Variants in PARD3B observed in about 807,000 individuals in gnomAD.
PARD3B encodes the protein par-3 family cell polarity regulator beta, also known as partitioning defective 3 homolog B.
In PARD3B, 103 loss-of-function variants were observed where a neutral mutation model predicts 130.2. That is an observed-to-expected ratio of 0.79 (90% CI 0.67 to 0.93). The LOEUF (loss-of-function observed/expected upper bound fraction) is 0.93. PARD3B is among the 40% of genes least tolerant of loss of function. The probability of loss-of-function intolerance (pLI) is 0.00; values close to 1 mark genes in which losing one functional copy is unlikely to be tolerated. For missense variants in PARD3B, 1,609 were observed against 1,499.2 expected (o/e 1.07, Z -1.21); for synonymous variants, 583 against 553.2 (o/e 1.05, Z -0.76).
At chr2:205,163,071 G>A (rs2034601001) in intron 11 of PARD3B, among the ~76,000 whole-genome samples, 1 of 152,104 alleles carries the variant, frequency 6.6e-6, no homozygotes, top group Non-Finnish European at 1.5e-5. Flanking sequence ...TTTAAAGTTA[G>A]GTAAGATATT....
At chr2:205,544,332 T>C (rs2052293511) in intron 21 of PARD3B, among the ~76,000 whole-genome samples, 1 of 152,106 alleles carries the variant, frequency 6.6e-6, no homozygotes, top group Non-Finnish European at 1.5e-5. Flanking sequence ...ATATCTCTAT[T>C]TGTAGGTAGA....
chr2:205,471,077 G>C (rs1429305863), intron 20 of PARD3B, among the ~76,000 whole-genome samples: 1 of 152,138 alleles, frequency 6.6e-6, no homozygotes, highest in Non-Finnish European at 1.5e-5. Flanking sequence ...GTGTTGGTCA[G>C]CTGTGTCTTT....
At chr2:205,320,216 G>T (rs1392792745) in intron 18 of PARD3B, among the ~76,000 whole-genome samples, 1 of 142,514 alleles carries the variant, frequency 7.0e-6, no homozygotes, top group Non-Finnish European at 1.5e-5. Context: ...GGGAAGGGTG[G>T]GGGGGAGGAA....
At chr2:205,395,628 C>A (rs2046000833) in intron 18 of PARD3B, among the ~76,000 whole-genome samples, 1 of 152,178 alleles carries the variant, frequency 6.6e-6, no homozygotes, top group African/African-American at 2.4e-5. Context: ...GATACCTCTT[C>A]ATTGACTCAC....
Position 205,177,096 on chromosome 2 carries a change from C to G in PARD3B, c.1924+519C>G, listed in dbSNP as rs374881510. ...TTGCTACACTGTTTTGCCTTATTAT[C>G]TAATGTGGATCCCATTTCTAGCTGA... On this transcript the variant is annotated intron_variant, in intron 13 of 22. Coordinates refer to ENST00000406610, the MANE Select transcript of PARD3B (RefSeq NM_001302769.2). Among the ~76,000 whole-genome samples, 188 of 152,200 alleles carry G rather than the reference C, an allele frequency of 1.2e-3. 1 individual carries two copies. Among genetic ancestry groups the G allele is most frequent in the African/African-American group, 4.2e-3 (175 of 41,538 alleles).
chr2:205,612,093 AT>A, intron 22 of PARD3B, among the ~76,000 whole-genome samples: 1 of 152,176 alleles, frequency 6.6e-6, no homozygotes, highest in East Asian at 1.9e-4. Context: ...CAAAACTAAA[AT>A]TTTAGCTGCC....
chr2:205,338,565 G>T (rs1440194491), intron 18 of PARD3B, among the ~76,000 whole-genome samples: 1 of 152,066 alleles, frequency 6.6e-6, no homozygotes, highest in African/African-American at 2.4e-5. Context: ...CCCTACTCTG[G>T]AAAATCCATT....
intron 1 of PARD3B, among the ~76,000 whole-genome samples, chr2:204,681,148 A>G (rs751451897): frequency 2.0e-5 from 3 of 152,144 alleles, no homozygotes; most frequent in Non-Finnish European, 4.4e-5. Context: ...TGTTAGATTG[A>G]GCCTTTTATC....
intron 4 of PARD3B, among the ~76,000 whole-genome samples, chr2:205,081,623 A>G (rs943226487): frequency 6.6e-6 from 1 of 152,046 alleles, no homozygotes; most frequent in African/African-American, 2.4e-5. Flanking sequence ...AGAGTGTTAA[A>G]TTTTGTCAAA....
chr2:204,935,515 A>G (rs180880445), intron 2 of PARD3B, among the ~76,000 whole-genome samples: 200 of 151,886 alleles, frequency 1.3e-3, no homozygotes, highest in African/African-American at 4.3e-3. Flanking sequence ...CTCCAGCCTG[A>G]GTGACAGAGC....
rs565448402 is a variant in PARD3B at position 205,426,263 on chromosome 2, A to G, written c.2742-14107A>G. 7.9e-5 allele frequency among the ~76,000 whole-genome samples: 12 copies of G among 152,212 alleles called. No homozygotes were observed. The South Asian group carries it at 2.1e-3, about 26-fold the overall frequency. ...TCAGTATAATAATTTTAATACTACTACTACTAATAATAATAATAATAGTAA... is the reference window on the plus strand; with the variant it reads ...TCAGTATAATAATTTTAATACTACTGCTACTAATAATAATAATAATAGTAA... On this transcript the variant is annotated intron_variant, in intron 19 of 22. Coordinates refer to ENST00000406610, the MANE Select transcript of PARD3B (RefSeq NM_001302769.2).
intron 18 of PARD3B, among the ~76,000 whole-genome samples, chr2:205,359,220 C>T (rs533889104): frequency 2.0e-5 from 3 of 152,126 alleles, no homozygotes; most frequent in South Asian, 4.1e-4. Context: ...CTTCAACTTT[C>T]GAAAGATTAA....
chr2:205,021,041 G>T lies in PARD3B; in HGVS notation c.395-26540G>T, dbSNP rs1265950449. ...TGCCTCTGAGCATGTCAGCTGAAAA[G>T]ATGGCAGAGTTCAGAGAAAGGTGAT... On this transcript the variant is annotated intron_variant, in intron 3 of 22. Transcript: ENST00000406610. The surrounding 1 kb of genome is among the most constrained non-coding windows in gnomAD (Gnocchi z 4.5). Among the ~76,000 whole-genome samples, 1 of 152,138 alleles carries T rather than the reference G, an allele frequency of 6.6e-6. No homozygotes were observed. The highest frequency in any genetic ancestry group is 2.4e-5 in the African/African-American group (1 of 41,438).
At chr2:204,899,515 C>T (rs1433752936) in intron 2 of PARD3B, among the ~76,000 whole-genome samples, 1 of 152,164 alleles carries the variant, frequency 6.6e-6, no homozygotes, top group Non-Finnish European at 1.5e-5. Context: ...AAAAACTCTA[C>T]ACTTTAACTT....
chr2:205,512,847 T>C (rs1406942278), intron 21 of PARD3B, among the ~76,000 whole-genome samples: 1 of 152,148 alleles, frequency 6.6e-6, no homozygotes, highest in Non-Finnish European at 1.5e-5. Context: ...CTCTATAGTA[T>C]TAGATACCCC....
chr2:205,539,208 G>T (rs558589708), intron 21 of PARD3B, among the ~76,000 whole-genome samples: 1 of 152,262 alleles, frequency 6.6e-6, no homozygotes, highest in Non-Finnish European at 1.5e-5. Context: ...TCCCTGCCGT[G>T]TCATTCTCTT....
In PARD3B at chr2:205,088,122, C is replaced by T. The variant is rs139587306; in HGVS notation, c.505-16304C>T. ...CTGTGATCCAAATGATGACTGAGTT[C>T]CCGCAGTGAGGCCATAACTCATGGG... On this transcript the variant is annotated intron_variant, in intron 4 of 22. Coordinates refer to ENST00000406610, the MANE Select transcript of PARD3B (RefSeq NM_001302769.2). Among the ~76,000 whole-genome samples, 226 of 152,252 alleles carry T rather than the reference C, an allele frequency of 1.5e-3. 1 individual carries two copies. The highest frequency in any genetic ancestry group is 5.3e-3 in the African/African-American group (221 of 41,548).
intron 21 of PARD3B, among the ~76,000 whole-genome samples, chr2:205,535,643 A>G (rs955315635): frequency 8.5e-5 from 13 of 152,222 alleles, no homozygotes; most frequent in African/African-American, 3.1e-4. Flanking sequence ...AGAACAAGGT[A>G]TTGGAAGACA....
At chr2:205,343,892 G>A (rs1002628085) in intron 18 of PARD3B, among the ~76,000 whole-genome samples, 3 of 151,940 alleles carry the variant, frequency 2.0e-5, no homozygotes, top group Admixed American at 2.0e-4. Flanking sequence ...TATAATACAG[G>A]ATGTTTTAAT....
Sources: allele counts gnomAD v4.1 joint callset (sites outside exome capture counted in the v4.1 genomes callset), GRCh38; gene constraint gnomAD v4.1.1; non-coding constraint Gnocchi (gnomAD v3.1); transcripts MANE v1.5; gene names NCBI Gene and HGNC (gene_info 2026-07-23, HGNC 2026-07-21).